Variants in ADAMTSL2 observed in about 807,000 individuals in gnomAD.
The protein encoded by ADAMTSL2 is ADAMTS like 2, also known as ADAMTS-like protein 2.
ADAMTSL2 carries 55 observed loss-of-function variants against 117.0 expected under a neutral mutation model. The observed-to-expected ratio is 0.47, with a 90% CI of 0.38 to 0.59. The LOEUF is 0.59. Among genes scored for constraint, ADAMTSL2 ranks in the 20% least tolerant of loss-of-function variants. The probability of loss-of-function intolerance (pLI) is 0.00; values close to 1 mark genes in which losing one functional copy is unlikely to be tolerated. For synonymous variants in ADAMTSL2, 572 were observed against 566.4 expected (o/e 1.01, Z -0.14); for missense variants, 1,182 against 1,354.5 (o/e 0.87, Z 2.00).
chr9:133,538,448 C>A (rs1341433442), intron 4 of ADAMTSL2, 24 bp downstream of exon 4: 1 of 1,611,482 alleles, frequency 6.2e-7, no homozygotes, highest in South Asian at 1.1e-5. Context: ...CGGGCAGGGG[C>A]ACCATGGCCT....
intron 9 of ADAMTSL2, among the ~76,000 whole-genome samples, chr9:133,550,039 A>C (rs9777021): frequency 0.078 from 11,823 of 152,338 alleles, 529 homozygotes; most frequent in Admixed American, 0.12. Flanking sequence ...TGTGTCAGCA[A>C]GGGACCCAAG....
chr9:133,562,796 C>T (rs1158731634), intron 12 of ADAMTSL2, among the ~76,000 whole-genome samples: 12 of 121,492 alleles, frequency 9.9e-5, no homozygotes, highest in African/African-American at 2.8e-4. Context: ...TGGTGGGCAC[C>T]GGCTTGGCCA....
At chr9:133,573,158 T>G (rs1208727290) in intron 17 of ADAMTSL2, among the ~76,000 whole-genome samples, 2 of 152,172 alleles carry the variant, frequency 1.3e-5, no homozygotes, top group Admixed American at 6.5e-5. Context: ...AGGGCTCAGG[T>G]CCCAGACGTG....
rs1208973747 is a variant in ADAMTSL2, at chr9:133,575,393, GC to G, written c.*531del. On this transcript the variant is annotated 3_prime_UTR_variant, in exon 19 of 19. Transcript: ENST00000651351. The stretch of plus-strand genomic sequence containing the variant: ...GCCCCTCCCATGGAGCTCTCTTCCC[GC>G]CGCACTTTCTACCCCGGGCAGAGGC... The G allele has an allele frequency of 6.0e-6, 1 of 167,850 alleles. No individual in the cohort carries two copies. The highest frequency in any genetic ancestry group is 1.3e-5 in the Non-Finnish European group (1 of 76,826). 10.4% of individuals were successfully genotyped at this position (167,850 alleles called of 1,614,324 possible).
At chr9:133,543,599 G>A (rs1240793299) in intron 7 of ADAMTSL2, among the ~76,000 whole-genome samples, 1 of 152,218 alleles carries the variant, frequency 6.6e-6, no homozygotes, top group Non-Finnish European at 1.5e-5. Context: ...TGGTGTTAGG[G>A]GAGGGATGGC....
At chr9:133,538,165 G>GAATCA (rs1246625997) in intron 3 of ADAMTSL2, among the ~76,000 whole-genome samples, 184 bp from the exon 4 acceptor site, 2 of 152,256 alleles carry the variant, frequency 1.3e-5, no homozygotes, top group Non-Finnish European at 2.9e-5. Context: ...ATGTAGAAGT[G>GAATCA]AATCAAATCT....
chr9:133,541,036 C>T (rs1487639223), intron 7 of ADAMTSL2, 35 bp downstream of exon 7: 1 of 1,602,852 alleles, frequency 6.2e-7, no homozygotes, highest in African/African-American at 1.3e-5. Flanking sequence ...CCAAGCACAG[C>T]AGAGTCTGGG....
intron 4 of ADAMTSL2, among the ~76,000 whole-genome samples, 195 bp from the exon 5 acceptor site, chr9:133,539,576 G>A (rs1363633100): frequency 9.4e-6 from 1 of 106,760 alleles, no homozygotes; most frequent in Non-Finnish European, 2.1e-5. Context: ...GCCCTTTCCT[G>A]CGTCCTTGCT....
At position 133,554,989 on chromosome 9, in the gene ADAMTSL2, G is replaced by A. The variant is rs926375591; in HGVS notation, c.1276+296G>A. ...GCAGTCCACCGTGGAGGAGCTGGGAGTCAAATGCAGGATGGTCTGATCTCT... is the reference window on the plus strand; with the variant it reads ...GCAGTCCACCGTGGAGGAGCTGGGAATCAAATGCAGGATGGTCTGATCTCT... On this transcript the variant is annotated intron_variant, in intron 10 of 18. Transcript: ENST00000651351. The surrounding 1 kb of genome is among the most constrained non-coding windows in gnomAD (Gnocchi z 5.2). 9.9e-5 allele frequency among the ~76,000 whole-genome samples: 15 copies of A among 152,242 alleles called. No homozygotes were observed. Among genetic ancestry groups the A allele is most frequent in the Middle Eastern group, 3.4e-3 (1 of 294 alleles).
chr9:133,538,344 G>T lies in ADAMTSL2; in HGVS notation c.234-5G>T. 6.2e-7 allele frequency: 1 copy of T among 1,613,424 alleles called. No homozygotes were observed. Among genetic ancestry groups the T allele is most frequent in the Non-Finnish European group, 8.5e-7 (1 of 1,180,024 alleles). On this transcript the variant is annotated splice_polypyrimidine_tract_variant and splice_region_variant and intron_variant, in intron 3 of 18. Transcript: ENST00000651351. ...CCTCACTCCGAGCCTGCATCTTTCT[G>T]CCAGGAGGAAGTCCGTCCCGGGCCC... is the stretch of plus-strand genomic sequence containing the variant.
chr9:133,554,667 G>C lies in ADAMTSL2; in HGVS notation c.1250G>C (p.Gly417Ala). Residue 417 changes from glycine to alanine, a missense_variant, in exon 10 of 19, where the codon GGG (glycine) becomes GCG (alanine). This residue lies in a region of ADAMTSL2 where 345 missense variants were observed against 325.8 expected (regional missense o/e 1.06). Transcript: ENST00000651351. The surrounding 1 kb of genome is among the most constrained non-coding windows in gnomAD (Gnocchi z 5.2). Reference sequence around the variant, plus strand: ...CAGGCCGGCGGCGGGGCCTGCGAGGGGCCCCCCAGGGGCAAGGGCTTCCGA... The same window carrying C: ...CAGGCCGGCGGCGGGGCCTGCGAGGCGCCCCCCAGGGGCAAGGGCTTCCGA... Reference protein sequence around the residue: ...CEQAGGGACEGPPRGKGFRDR... With the variant: ...CEQAGGGACEAPPRGKGFRDR... The C allele has an allele frequency of 1.3e-6, 2 of 1,516,234 alleles. No individual in the cohort carries two copies. Among genetic ancestry groups the C allele is most frequent in the Non-Finnish European group, 1.8e-6 (2 of 1,127,524 alleles). The allele number at this position is 1,516,234 out of a possible 1,614,324, so 93.9% of individuals were successfully genotyped here.
chr9:133,539,445 A>G (rs1036830354), intron 4 of ADAMTSL2, among the ~76,000 whole-genome samples: 5 of 152,158 alleles, frequency 3.3e-5, no homozygotes, highest in African/African-American at 9.7e-5. Context: ...GGGCGAGGGG[A>G]GCACCCTTGC....
At chr9:133,542,341 C>T (rs964111022) in intron 7 of ADAMTSL2, among the ~76,000 whole-genome samples, 2 of 152,204 alleles carry the variant, frequency 1.3e-5, no homozygotes, top group African/African-American at 4.8e-5. Context: ...CTAGGAGCCG[C>T]TAAGGTGTCT....
At chr9:133,563,518 G>A (rs964508731) in intron 12 of ADAMTSL2, among the ~76,000 whole-genome samples, 13 of 152,200 alleles carry the variant, frequency 8.5e-5, no homozygotes, top group African/African-American at 3.1e-4. Context: ...CTGGAGAGGG[G>A]ACGTCGCTCG....
rs145785557 is a variant in ADAMTSL2, at chr9:133,543,824, G to A, written c.683-646G>A. 2.1e-3 allele frequency among the ~76,000 whole-genome samples: 326 copies of A among 152,322 alleles called. 2 individuals are homozygous for A. The highest frequency in any genetic ancestry group is 7.4e-3 in the African/African-American group (309 of 41,570). On this transcript the variant is annotated intron_variant, in intron 7 of 18. Transcript: ENST00000651351. ...GCCAGCAATGCCTCTCCTTCTCTGA[G>A]CACCTCCCCTCCAGACCCTTGGTTT...
At chr9:133,542,340 G>A (rs1276124516) in intron 7 of ADAMTSL2, among the ~76,000 whole-genome samples, 1 of 152,324 alleles carries the variant, frequency 6.6e-6, no homozygotes, top group Admixed American at 6.5e-5. Context: ...TCTAGGAGCC[G>A]CTAAGGTGTC....
chr9:133,562,542 C>T (rs1443117177), intron 12 of ADAMTSL2, among the ~76,000 whole-genome samples: 8 of 116,562 alleles, frequency 6.9e-5, no homozygotes, highest in Non-Finnish European at 9.1e-5. Context: ...CTGGGCCCGG[C>T]TCGCACCGCC....
At chr9:133,555,119 T>C (rs1315289056) in intron 10 of ADAMTSL2, among the ~76,000 whole-genome samples, 1 of 152,086 alleles carries the variant, frequency 6.6e-6, no homozygotes, top group African/African-American at 2.4e-5. Context: ...GCTGTGACCG[T>C]GTCACTCCAG....
At chr9:133,540,354 T>C (rs2131100053) in intron 5 of ADAMTSL2, among the ~76,000 whole-genome samples, 1 of 152,206 alleles carries the variant, frequency 6.6e-6, no homozygotes, top group East Asian at 1.9e-4. Context: ...GGAACCCCAG[T>C]ATGGGTCTCA....
Sources: allele counts gnomAD v4.1 joint callset (sites outside exome capture counted in the v4.1 genomes callset), GRCh38; gene constraint gnomAD v4.1.1; regional missense constraint gnomAD v4.1.1; non-coding constraint Gnocchi (gnomAD v3.1); transcripts MANE v1.5; gene names NCBI Gene and HGNC (gene_info 2026-07-23, HGNC 2026-07-21).